Variants in CENPP observed in about 807,000 individuals in gnomAD.
The protein encoded by CENPP is centromere protein P.
A neutral mutation model predicts 35.6 loss-of-function variants in CENPP; 24 were observed. The observed-to-expected ratio is 0.67, with a 90% CI of 0.49 to 0.95. The LOEUF (loss-of-function observed/expected upper bound fraction) is 0.95. Among genes scored for constraint, CENPP ranks in the 40% least tolerant of loss-of-function variants. CENPP has a pLI of 0.00. For missense variants in CENPP, 332 were observed against 345.3 expected (o/e 0.96, Z 0.31); for synonymous variants, 120 against 125.5 (o/e 0.96, Z 0.29).
At chr9:92,360,954 G>A (rs1229392551) in intron 4 of CENPP, among the ~76,000 whole-genome samples, 6 of 151,838 alleles carry the variant, frequency 4.0e-5, no homozygotes, top group East Asian at 1.9e-4. Flanking sequence ...TGATCCGCCC[G>A]CCTCGGCCTC....
At chr9:92,514,356 C>G (rs1381138168) in intron 5 of CENPP, among the ~76,000 whole-genome samples, 2 of 150,774 alleles carry the variant, frequency 1.3e-5, no homozygotes, top group Non-Finnish European at 2.9e-5. Flanking sequence ...CTCACTGCAA[C>G]CTCCGCCTCC....
intron 5 of CENPP, among the ~76,000 whole-genome samples, chr9:92,551,946 TATATATG>T (rs1359618665): frequency 2.4e-5 from 3 of 122,636 alleles, no homozygotes; most frequent in African/African-American, 3.9e-5. Flanking sequence ...TATATATATA[TATATATG>T]ATATATATAT....
intron 5 of CENPP, among the ~76,000 whole-genome samples, chr9:92,510,656 G>T (rs1186846292): frequency 6.6e-6 from 1 of 152,182 alleles, no homozygotes; most frequent in African/African-American, 2.4e-5. Context: ...CCACAAGTGG[G>T]GACCTGTGGT....
At chr9:92,364,264 C>T (rs541516354) in intron 4 of CENPP, among the ~76,000 whole-genome samples, 2 of 151,912 alleles carry the variant, frequency 1.3e-5, no homozygotes, top group Non-Finnish European at 2.9e-5. Context: ...CACTCCTGGG[C>T]TCAAGCAGTC....
At chr9:92,502,249 A>C (rs1425866316) in intron 5 of CENPP, among the ~76,000 whole-genome samples, 1 of 152,204 alleles carries the variant, frequency 6.6e-6, no homozygotes, top group Non-Finnish European at 1.5e-5. Flanking sequence ...GGCATATGAT[A>C]GGGTGTCCAG....
intron 5 of CENPP, among the ~76,000 whole-genome samples, chr9:92,516,497 A>T (rs183562152): frequency 7.3e-4 from 111 of 152,378 alleles, no homozygotes; most frequent in African/African-American, 2.6e-3. Context: ...TACTTGAGAT[A>T]TCAATTCAGT....
At chr9:92,519,498 G>A (rs1025506969) in intron 5 of CENPP, among the ~76,000 whole-genome samples, 1 of 152,168 alleles carries the variant, frequency 6.6e-6, no homozygotes, top group African/African-American at 2.4e-5. Context: ...AACACTGAAA[G>A]TCAGACATAC....
intron 5 of CENPP, among the ~76,000 whole-genome samples, chr9:92,499,513 G>A (rs919538854): frequency 6.6e-6 from 1 of 152,190 alleles, no homozygotes; most frequent in Non-Finnish European, 1.5e-5. Context: ...GAGTAAATTT[G>A]TCTTAGGAGA....
At chr9:92,482,226 A>G (rs1311009930) in intron 5 of CENPP, 2 of 152,218 alleles carry the variant, frequency 1.3e-5, no homozygotes, top group Non-Finnish European at 2.9e-5. Flanking sequence ...TATTAATAAC[A>G]TTAATGTCTC....
At chr9:92,377,398 A>G (rs1842148530) in intron 4 of CENPP, among the ~76,000 whole-genome samples, 1 of 152,206 alleles carries the variant, frequency 6.6e-6, no homozygotes, top group Non-Finnish European at 1.5e-5. Flanking sequence ...AGTCAAGACA[A>G]ACAATTCCTT....
intron 3 of CENPP, chr9:92,340,026 C>T (rs1588039630): frequency 6.5e-6 from 1 of 153,844 alleles, no homozygotes; most frequent in East Asian, 1.9e-4. Flanking sequence ...AATCATAATC[C>T]TATGGTCCAC....
intron 5 of CENPP, among the ~76,000 whole-genome samples, chr9:92,596,252 G>C (rs1223160212): frequency 1.3e-5 from 2 of 151,954 alleles, no homozygotes; most frequent in Non-Finnish European, 2.9e-5. Context: ...TCTTGCCTAA[G>C]TCTTCCAAGT....
Position 92,618,133 on chromosome 9 carries a change from G to A in CENPP, c.*4984G>A. ...TGCGGCCACTGCGCACACCTTCCTG[G>A]AAGCAGGCCCAGCCCCACACGCCAT... On this transcript the variant is annotated 3_prime_UTR_variant, in exon 8 of 8. Transcript: ENST00000375587. 1 of 423,116 alleles carries A rather than the reference G, an allele frequency of 2.4e-6. No individual in the cohort carries two copies. The highest frequency in any genetic ancestry group is 4.8e-6 in the Non-Finnish European group (1 of 209,680). The allele number at this position is 423,116 out of a possible 1,614,324, so 26.2% of individuals were successfully genotyped here. A position where few individuals can be genotyped will look rare whatever the true frequency, so the allele number is the denominator to read the frequency against.
chr9:92,373,634 T>C (rs1367978897), intron 4 of CENPP, among the ~76,000 whole-genome samples: 5 of 152,116 alleles, frequency 3.3e-5, no homozygotes, highest in Non-Finnish European at 7.4e-5. Context: ...AAGACCATCC[T>C]GGCCAACATG....
At chr9:92,443,586 A>G (rs1844476042) in intron 5 of CENPP, among the ~76,000 whole-genome samples, 1 of 152,212 alleles carries the variant, frequency 6.6e-6, no homozygotes, top group Admixed American at 6.5e-5. Context: ...ATTAATATGG[A>G]AATGCAAAGG....
intron 5 of CENPP, among the ~76,000 whole-genome samples, chr9:92,405,869 T>G (rs1189074210): frequency 4.6e-5 from 7 of 152,234 alleles, no homozygotes; most frequent in Non-Finnish European, 1.0e-4. Context: ...AAAAGTTTAT[T>G]GAGCGCCAAT....
At chr9:92,331,566 T>C (rs572876870) in intron 1 of CENPP, among the ~76,000 whole-genome samples, 6 of 152,370 alleles carry the variant, frequency 3.9e-5, no homozygotes, top group African/African-American at 1.2e-4. Flanking sequence ...AGAACACACA[T>C]TGTAATTTTG....
intron 5 of CENPP, among the ~76,000 whole-genome samples, chr9:92,592,731 G>A (rs1850695358): frequency 6.6e-6 from 1 of 152,176 alleles, no homozygotes. Context: ...CTCACCAGCA[G>A]TGTATGAGGG....
chr9:92,457,193 T>C, intron 5 of CENPP: 1 of 1,470,838 alleles, frequency 6.8e-7, no homozygotes, highest in Non-Finnish European at 9.0e-7. Flanking sequence ...TATTTGCTTG[T>C]ATATATAATA....
Sources: gnomAD v4.1 joint callset for allele counts (sites outside exome capture counted in the v4.1 genomes callset) on GRCh38, gnomAD v4.1.1 for gene constraint, MANE v1.5 for transcripts, NCBI Gene and HGNC (gene_info 2026-07-23, HGNC 2026-07-21) for gene names.